ANO1: variants seen among roughly 807,000 people sequenced by gnomAD.
ANO1 encodes the protein anoctamin 1.
Under a neutral mutation model 124.0 loss-of-function variants are expected in ANO1, and 59 were observed. That is an observed-to-expected ratio of 0.48 (90% CI 0.39 to 0.59). The LOEUF (loss-of-function observed/expected upper bound fraction) is 0.59, where lower values mean the gene tolerates loss of function less well. ANO1 is among the 20% of genes least tolerant of loss of function. The pLI is 0.00. For synonymous variants in ANO1, 529 were observed against 532.0 expected (o/e 0.99, Z 0.08); for missense variants, 1,059 against 1,328.0 (o/e 0.80, Z 3.15).
At chr11:69,979,706 C>T in the ANO1 span, among the ~76,000 whole-genome samples, 1 of 152,146 alleles carries the variant, frequency 6.6e-6, no homozygotes, top group Admixed American at 6.5e-5. Context: ...CCAAATGCAG[C>T]AGCCCAGCCA....
rs545977583 is a variant in ANO1 at position 70,183,786 on chromosome 11, C to G, written c.2588+1100C>G. Among the ~76,000 whole-genome samples, 3 of 152,332 alleles carry G rather than the reference C, an allele frequency of 2.0e-5. No homozygotes were observed. The South Asian group carries it at 6.2e-4, about 32-fold the overall frequency. On this transcript the variant is annotated intron_variant, in intron 24 of 25. Coordinates refer to ENST00000355303, the MANE Select transcript of ANO1 (RefSeq NM_018043.7). ...GGCCCTCGGAGACTCCCATCCAGCT[C>G]CCTCCAGAAATCAAGCTCCGTAGGC...
upstream of ANO1, among the ~76,000 whole-genome samples, chr11:70,076,273 G>A (rs955340732): frequency 1.3e-5 from 2 of 152,190 alleles, no homozygotes; most frequent in East Asian, 1.9e-4. Context: ...GAGTAAAGCC[G>A]CAAGGGGTGC....
At chr11:70,085,453 C>A in intron 1 of ANO1, 1 of 1,535,230 alleles carries the variant, frequency 6.5e-7, no homozygotes, top group East Asian at 2.4e-5. Flanking sequence ...GTCACCAGCA[C>A]AGCGGGGCCC....
In ANO1 at chr11:70,078,474, C is replaced by A. The variant is rs2044096558; in HGVS notation, c.-133C>A. The A allele has an allele frequency of 4.3e-6, 1 of 234,500 alleles. No individual in the cohort carries two copies. The highest frequency in any genetic ancestry group is 2.4e-5 in the African/African-American group (1 of 42,498). The allele number at this position is 234,500 out of a possible 1,614,324, so 14.5% of individuals were successfully genotyped here. ...GAGCGGGAGGCGGCCACGTCCCCGGCGGGCCTGGGCGCGGGGAGGCCCGGC... is the reference window on the plus strand; with the variant it reads ...GAGCGGGAGGCGGCCACGTCCCCGGAGGGCCTGGGCGCGGGGAGGCCCGGC... On this transcript the variant is annotated 5_prime_UTR_variant, in exon 1 of 26. Coordinates refer to ENST00000355303, the MANE Select transcript of ANO1 (RefSeq NM_018043.7).
At chr11:69,979,194 G>A in the ANO1 span, among the ~76,000 whole-genome samples, 5 of 152,220 alleles carry the variant, frequency 3.3e-5, no homozygotes, top group Non-Finnish European at 4.4e-5. Context: ...TTTGAACGTA[G>A]TGAATGACAG....
chr11:69,984,860 C>T (rs73529735), upstream of ANO1, among the ~76,000 whole-genome samples: 4,049 of 152,320 alleles, frequency 0.027, 180 homozygotes, highest in African/African-American at 0.094. Flanking sequence ...GATGAGGCGG[C>T]TGCCCTGTCC....
intron 1 of ANO1, among the ~76,000 whole-genome samples, chr11:70,029,495 C>T (rs1292907034): frequency 6.6e-6 from 1 of 152,198 alleles, no homozygotes; most frequent in African/African-American, 2.4e-5. Context: ...GGAGTCTCCA[C>T]CCCCAGATGA....
chr11:70,104,120 C>T lies in ANO1; in HGVS notation c.662C>T (p.Ser221Phe). The T allele has an allele frequency of 1.2e-6, 2 of 1,613,064 alleles. No individual in the cohort carries two copies. The highest frequency in any genetic ancestry group is 2.2e-5 in the East Asian group (1 of 44,862). ...AGGCCCCAGACCATGAAGAGACTCT[C>T]CTATCCCTTCTCCCGGGAGAAGCAG... The part of the protein sequence containing the change: ...EHRPQTMKRL[S>F]YPFSREKQHL... The change falls in exon 4 of 26, where the codon TCC becomes TTC. Residue 221 changes from serine (S) to phenylalanine (F), a missense_variant. Coordinates refer to ENST00000355303, the MANE Select transcript of ANO1 (RefSeq NM_018043.7).
intron 16 of ANO1, 69 bp downstream of exon 16, chr11:70,157,090 G>A (rs1053969246): frequency 3.5e-5 from 50 of 1,437,116 alleles, no homozygotes; most frequent in Non-Finnish European, 4.6e-5. Flanking sequence ...GCTTCAGCCG[G>A]GCGTGGTGGT....
intron 1 of ANO1, among the ~76,000 whole-genome samples, chr11:70,005,490 G>C (rs1856468121): frequency 6.6e-6 from 1 of 152,170 alleles, no homozygotes; most frequent in Non-Finnish European, 1.5e-5. Flanking sequence ...GAAATTCCTA[G>C]GGTTTGCAAT....
At chr11:70,012,196 A>T (rs2120354779) in intron 1 of ANO1, among the ~76,000 whole-genome samples, 1 of 152,070 alleles carries the variant, frequency 6.6e-6, no homozygotes, top group African/African-American at 2.4e-5. Context: ...TGTTGTATCT[A>T]TCTATCCATT....
chr11:70,131,908 CT>C lies in ANO1; in HGVS notation c.1098-10del. 6.2e-7 allele frequency: 1 copy of C among 1,601,508 alleles called. No homozygotes were observed. Among genetic ancestry groups the C allele is most frequent in the African/African-American group, 1.3e-5 (1 of 75,026 alleles). ...AACAAGGTGACTCCAGGGCTGCCCC[CT>C]CTCTTGCAGCATGGAGATGTGTGAC... On this transcript the variant is annotated splice_polypyrimidine_tract_variant and intron_variant, in intron 10 of 25. Coordinates refer to ENST00000355303, the MANE Select transcript of ANO1 (RefSeq NM_018043.7).
intron 1 of ANO1, among the ~76,000 whole-genome samples, chr11:70,069,149 T>C (rs1464920355): frequency 6.6e-6 from 1 of 152,240 alleles, no homozygotes; most frequent in African/African-American, 2.4e-5. Context: ...GCTTTTACCC[T>C]GGTTTCCTTT....
chr11:70,181,675 C>T (rs536416728), intron 23 of ANO1, among the ~76,000 whole-genome samples: 99 of 152,284 alleles, frequency 6.5e-4, no homozygotes, highest in African/African-American at 2.2e-3. Flanking sequence ...ACCTGTAATC[C>T]CAGCACTTTG....
intron 11 of ANO1, 81 bp from the exon 12 acceptor site, chr11:70,149,629 A>C: frequency 6.9e-7 from 1 of 1,440,228 alleles, no homozygotes; most frequent in Non-Finnish European, 9.4e-7. Flanking sequence ...CAGCCTGGGC[A>C]ACAAGAGCAA....
chr11:70,069,505 A>G (rs1555009057), intron 1 of ANO1, among the ~76,000 whole-genome samples: 10 of 152,226 alleles, frequency 6.6e-5, no homozygotes, highest in Non-Finnish European at 8.8e-5. Context: ...TGTTTAACAC[A>G]GAGGATCTGG....
intron 9 of ANO1, among the ~76,000 whole-genome samples, chr11:70,125,768 C>T (rs1469320547): frequency 1.0e-4 from 15 of 148,792 alleles, no homozygotes; most frequent in Non-Finnish European, 1.6e-4. Context: ...GGCGTGAACG[C>T]GGGAGGTGGA....
intron 24 of ANO1, among the ~76,000 whole-genome samples, chr11:70,184,229 T>C (rs2049026783): frequency 6.6e-6 from 1 of 152,170 alleles, no homozygotes; most frequent in African/African-American, 2.4e-5. Flanking sequence ...AGCTGATGTG[T>C]GGCATCCCCC....
intron 1 of ANO1, among the ~76,000 whole-genome samples, chr11:69,989,771 G>A (rs55691279): frequency 0.14 from 21,677 of 152,070 alleles, 1,629 homozygotes; most frequent in African/African-American, 0.17. Context: ...AGGCAGGTAG[G>A]GGAGGGTGAC....
Sources: gnomAD v4.1 joint callset for allele counts (sites outside exome capture counted in the v4.1 genomes callset) on GRCh38, gnomAD v4.1.1 for gene constraint, MANE v1.5 for transcripts, NCBI Gene and HGNC (gene_info 2026-07-23, HGNC 2026-07-21) for gene names.